PVT1: variants seen among roughly 807,000 people sequenced by gnomAD.
PVT1 encodes the protein Pvt1 oncogene, also known as CXCR4/PVT1 fusion.
rs190774935 is a variant in PVT1, at chr8:127,915,360, A to G, written n.782+24362A>G. Among the ~76,000 whole-genome samples the G allele has an allele frequency of 7.9e-3, 1,197 of 151,902 alleles. 32 individuals carry two copies. The East Asian group carries it at 0.1, about 13-fold the overall frequency. ...CTCAGTGGCTCACACCTGTAATCCC[A>G]GCACTTTGGGAGGCCGAGGCGGGCG... is the stretch of plus-strand genomic sequence containing the variant. On this transcript the variant is annotated intron_variant and non_coding_transcript_variant, in intron 3 of 10. Transcript: ENST00000651587.
intron 2 of PVT1, among the ~76,000 whole-genome samples, chr8:127,807,296 A>G (rs111738900): frequency 1.3e-5 from 2 of 152,208 alleles, no homozygotes; most frequent in Admixed American, 6.5e-5. Context: ...GTCAAAGCCT[A>G]CTTTAACTTT....
chr8:127,867,358 C>T (rs1815296593), intron 2 of PVT1, among the ~76,000 whole-genome samples: 1 of 152,240 alleles, frequency 6.6e-6, no homozygotes, highest in Non-Finnish European at 1.5e-5. Context: ...CCCATTTACT[C>T]CTCCGCAGTT....
chr8:127,910,657 G>A (rs1382034937), intron 3 of PVT1, among the ~76,000 whole-genome samples: 1 of 152,078 alleles, frequency 6.6e-6, no homozygotes, highest in East Asian at 1.9e-4. Flanking sequence ...ATTAACTTCT[G>A]GGCAGTGCGA....
chr8:127,803,415 C>T (rs1814491374), intron 2 of PVT1: 1 of 152,230 alleles, frequency 6.6e-6, no homozygotes, highest in Admixed American at 6.5e-5. Context: ...AGGCGTGAGC[C>T]GCCGCGCCCA....
chr8:128,100,291 C>T (rs894858569), intron 6 of PVT1, among the ~76,000 whole-genome samples: 4 of 152,148 alleles, frequency 2.6e-5, no homozygotes, highest in Middle Eastern at 3.2e-3. Flanking sequence ...GAGCTTGGTT[C>T]TTGGATGTAG....
chr8:128,014,493 G>A (rs1365000976), intron 4 of PVT1, among the ~76,000 whole-genome samples: 1 of 152,162 alleles, frequency 6.6e-6, no homozygotes, highest in Non-Finnish European at 1.5e-5. Flanking sequence ...TGCACATCTG[G>A]CCTCACTGTC....
intron 3 of PVT1, among the ~76,000 whole-genome samples, chr8:127,987,985 TAA>T (rs1239235321): frequency 6.6e-6 from 1 of 152,192 alleles, no homozygotes; most frequent in African/African-American, 2.4e-5. Context: ...CAGGATGCGT[TAA>T]GCCTGCACTG....
chr8:127,828,741 CA>C (rs1043921784), intron 2 of PVT1, among the ~76,000 whole-genome samples: 3 of 152,192 alleles, frequency 2.0e-5, no homozygotes, highest in African/African-American at 4.8e-5. Flanking sequence ...TCCGCCCCCC[CA>C]GACTCATCCT....
intron 4 of PVT1, among the ~76,000 whole-genome samples, chr8:128,007,037 A>G (rs1817255681): frequency 6.6e-6 from 1 of 152,252 alleles, no homozygotes; most frequent in African/African-American, 2.4e-5. Flanking sequence ...AGGCAAACAC[A>G]AATGGAGTGA....
At chr8:127,912,725 C>G (rs1298286026) in intron 3 of PVT1, among the ~76,000 whole-genome samples, 1 of 149,124 alleles carries the variant, frequency 6.7e-6, no homozygotes, top group Non-Finnish European at 1.5e-5. Flanking sequence ...TTAGACTAGT[C>G]TCACTCTGTC....
At chr8:127,954,993 A>G (rs754573463) in intron 3 of PVT1, among the ~76,000 whole-genome samples, 1 of 152,230 alleles carries the variant, frequency 6.6e-6, no homozygotes, top group Non-Finnish European at 1.5e-5. Flanking sequence ...CAGTACGCAT[A>G]TCATACTATG....
intron 3 of PVT1, chr8:127,960,491 C>A (rs1342553762): frequency 1.7e-5 from 5 of 288,208 alleles, no homozygotes; most frequent in Non-Finnish European, 3.7e-5. Context: ...TAGGAATCGA[C>A]CTTCCTTGAG....
chr8:127,798,566 C>A (rs1180615737), intron 2 of PVT1, among the ~76,000 whole-genome samples: 2 of 151,534 alleles, frequency 1.3e-5, no homozygotes, highest in African/African-American at 4.8e-5. Context: ...GAGGTCAGAA[C>A]CCTTAGTCTT....
chr8:128,049,449 G>T (rs1051515027), intron 4 of PVT1, among the ~76,000 whole-genome samples: 1 of 152,158 alleles, frequency 6.6e-6, no homozygotes, highest in Non-Finnish European at 1.5e-5. Context: ...AAGGTCTGGG[G>T]ATTCTGTGGC....
At chr8:127,992,231 C>T (rs759191806) in intron 4 of PVT1, among the ~76,000 whole-genome samples, 11 of 152,024 alleles carry the variant, frequency 7.2e-5, no homozygotes, top group Non-Finnish European at 1.6e-4. Flanking sequence ...ATTAAAAATA[C>T]AAAGATTAGC....
chr8:127,960,908 G>C (rs1279040164), intron 3 of PVT1, among the ~76,000 whole-genome samples: 4 of 121,062 alleles, frequency 3.3e-5, no homozygotes, highest in Non-Finnish European at 6.4e-5. Context: ...TTTTTCCTTA[G>C]AGATTTTTTG....
chr8:127,954,428 G>A (rs1042685554), intron 3 of PVT1, among the ~76,000 whole-genome samples: 12 of 151,572 alleles, frequency 7.9e-5, no homozygotes, highest in African/African-American at 2.9e-4. Context: ...CCCAGTAGCT[G>A]GGACTACAGG....
At chr8:127,882,165 C>T (rs1281969125) in intron 2 of PVT1, among the ~76,000 whole-genome samples, 1 of 152,212 alleles carries the variant, frequency 6.6e-6, no homozygotes, top group Non-Finnish European at 1.5e-5. Flanking sequence ...CCCATCCCCC[C>T]TCCCCTGAAT....
intron 4 of PVT1, chr8:128,049,372 C>G: frequency 3.0e-6 from 1 of 337,200 alleles, no homozygotes; most frequent in Non-Finnish European, 5.9e-6. Flanking sequence ...TGCGCGGAGG[C>G]AGAGCACTTG....
Sources: gnomAD v4.1 joint callset for allele counts (sites outside exome capture counted in the v4.1 genomes callset) on GRCh38, gnomAD v4.1.1 for gene constraint, MANE v1.5 for transcripts, NCBI Gene and HGNC (gene_info 2026-07-23, HGNC 2026-07-21) for gene names.